Variants in ADAMTSL1 observed in about 807,000 individuals in gnomAD.
ADAMTSL1 encodes ADAMTS like 1.
ADAMTSL1 carries 126 observed loss-of-function variants against 201.8 expected under a neutral mutation model. The observed-to-expected ratio is 0.62, with a 90% confidence interval of 0.54 to 0.72. The LOEUF (loss-of-function observed/expected upper bound fraction) is 0.72. Among genes scored for constraint, ADAMTSL1 ranks in the 30% least tolerant of loss-of-function variants. The pLI is 0.00. For synonymous variants in ADAMTSL1, 1,121 were observed against 903.4 expected, an observed-to-expected ratio of 1.24 and a Z score of -4.32; for missense variants, 2,679 against 2,277.8, an observed-to-expected ratio of 1.18 and a Z score of -3.59.
chr9:18,545,115 G>A (rs1316960635), intron 3 of ADAMTSL1, among the ~76,000 whole-genome samples: 1 of 152,172 alleles, frequency 6.6e-6, no homozygotes, highest in African/African-American at 2.4e-5. Context: ...CTCATAGAAT[G>A]TTAGAATTAG....
chr9:18,138,257 T>A (rs1342069625), intron 1 of ADAMTSL1, among the ~76,000 whole-genome samples: 1 of 152,172 alleles, frequency 6.6e-6, no homozygotes, highest in East Asian at 1.9e-4. Flanking sequence ...ATTATTATAC[T>A]TTTAGAATTT....
intron 2 of ADAMTSL1, among the ~76,000 whole-genome samples, chr9:18,401,520 C>A (rs892607582): frequency 6.6e-6 from 1 of 152,208 alleles, no homozygotes. Flanking sequence ...GGGACAGTAT[C>A]TGAAGAGGCC....
Position 18,280,654 on chromosome 9 carries a change from T to G in ADAMTSL1, c.207+116673T>G, listed in dbSNP as rs1222211049. 2.0e-5 allele frequency among the ~76,000 whole-genome samples: 3 copies of G among 152,184 alleles called. No homozygotes were observed. In the East Asian group the frequency reaches 5.8e-4, roughly 29 times the overall value. ...TTATTTGTCACATGTGTTAAGGTTT[T>G]TAATTATTTGGCATTATAAATAAAT... On this transcript the variant is annotated intron_variant, in intron 2 of 29. Transcript: ENST00000680146.
At chr9:18,676,768 T>C (rs1830155936) in intron 10 of ADAMTSL1, among the ~76,000 whole-genome samples, 1 of 152,006 alleles carries the variant, frequency 6.6e-6, no homozygotes, top group Non-Finnish European at 1.5e-5. Flanking sequence ...ATGGTTGGAG[T>C]AATCCACAGC....
intron 3 of ADAMTSL1, among the ~76,000 whole-genome samples, chr9:18,541,135 A>G (rs113220955): frequency 5.2e-4 from 79 of 152,286 alleles, no homozygotes; most frequent in African/African-American, 1.8e-3. Context: ...TTGTACACTG[A>G]TACAACAAAA....
chr9:18,727,015 G>A (rs553670866), intron 15 of ADAMTSL1, among the ~76,000 whole-genome samples: 2 of 152,260 alleles, frequency 1.3e-5, no homozygotes, highest in South Asian at 2.1e-4. Context: ...ACGTCTGAAA[G>A]GTCACAGAGT....
At chr9:18,462,326 A>G (rs1458877978) in intron 2 of ADAMTSL1, among the ~76,000 whole-genome samples, 1 of 152,236 alleles carries the variant, frequency 6.6e-6, no homozygotes, top group East Asian at 1.9e-4. Flanking sequence ...ATACTTGATC[A>G]TTCAACAAAT....
At chr9:18,707,072 G>A (rs1587943776) in intron 14 of ADAMTSL1, 24 bp downstream of exon 14, 1 of 1,599,634 alleles carries the variant, frequency 6.3e-7, no homozygotes, top group Non-Finnish European at 8.5e-7. Context: ...CTCTGGCTCA[G>A]ATCCCCGCCA....
chr9:18,161,073 G>A (rs1258118938), intron 1 of ADAMTSL1, among the ~76,000 whole-genome samples: 1 of 151,834 alleles, frequency 6.6e-6, no homozygotes, highest in Non-Finnish European at 1.5e-5. Flanking sequence ...ATCTTGATAT[G>A]TATTATGAGA....
chr9:18,708,574 G>T (rs530394949), intron 14 of ADAMTSL1, among the ~76,000 whole-genome samples: 33 of 152,340 alleles, frequency 2.2e-4, no homozygotes, highest in Admixed American at 2.2e-3. Flanking sequence ...CTGGGCAGGA[G>T]CTGAGAGATC....
chr9:18,727,211 TGCAGGCTCTTCC>T (rs1457757376), intron 15 of ADAMTSL1, among the ~76,000 whole-genome samples: 1 of 152,256 alleles, frequency 6.6e-6, no homozygotes, highest in Non-Finnish European at 1.5e-5. Context: ...TTCAAAGCCT[TGCAGGCTCTTCC>T]TCTCTGACAA....
At chr9:18,106,346 T>C (rs1457306737) in intron 1 of ADAMTSL1, among the ~76,000 whole-genome samples, 1 of 152,194 alleles carries the variant, frequency 6.6e-6, no homozygotes, top group Non-Finnish European at 1.5e-5. Flanking sequence ...AAGAATGCAG[T>C]GAAAACATCT....
At position 18,279,070 on chromosome 9, in the gene ADAMTSL1, C is replaced by T. The variant is rs141236306; in HGVS notation, c.207+115089C>T. Reference sequence around the variant, plus strand: ...AATGTCTTCTTTTGTTTATGCATAGCCCTCCTAATTTCATTCACTTGTATA... The same window carrying T: ...AATGTCTTCTTTTGTTTATGCATAGTCCTCCTAATTTCATTCACTTGTATA... On this transcript the variant is annotated intron_variant, in intron 2 of 29. Transcript: ENST00000680146. 2.2e-4 allele frequency among the ~76,000 whole-genome samples: 34 copies of T among 152,160 alleles called. No homozygotes were observed. In the South Asian group the frequency reaches 5.6e-3, roughly 25 times the overall value.
chr9:18,119,076 G>A (rs937039073), intron 1 of ADAMTSL1, among the ~76,000 whole-genome samples: 1 of 152,080 alleles, frequency 6.6e-6, no homozygotes, highest in African/African-American at 2.4e-5. Flanking sequence ...TTCTTCATCT[G>A]TAATATGGGA....
At chr9:18,361,138 T>G (rs1218125854) in intron 2 of ADAMTSL1, among the ~76,000 whole-genome samples, 1 of 152,154 alleles carries the variant, frequency 6.6e-6, no homozygotes, top group Non-Finnish European at 1.5e-5. Context: ...GTCGACAGGT[T>G]TACATTTTAC....
rs956880151 is a variant in ADAMTSL1, at chr9:18,795,648, G to A, written c.3805+124G>A. On this transcript the variant is annotated intron_variant, in intron 20 of 28. Coordinates refer to ENST00000380548, the MANE Select transcript of ADAMTSL1 (RefSeq NM_001040272.6). ...CCCAGATCCCATCTTCAGGGAGTTT[G>A]TAATCTATAATTACAACAGCAGTGT... is the stretch of plus-strand genomic sequence containing the variant. The A allele has an allele frequency of 1.2e-5, 13 of 1,080,124 alleles. No homozygotes were observed. The South Asian group carries it at 1.5e-4, about 13-fold the overall frequency. 66.9% of individuals were successfully genotyped at this position (1,080,124 alleles called of 1,614,324 possible). A position where few individuals can be genotyped will look rare whatever the true frequency, so the allele number is the denominator to read the frequency against.
At chr9:18,859,286 C>G (rs562480036) in intron 23 of ADAMTSL1, among the ~76,000 whole-genome samples, 1 of 152,310 alleles carries the variant, frequency 6.6e-6, no homozygotes, top group South Asian at 2.1e-4. Flanking sequence ...ACCTGCATCC[C>G]TTGGCTGTGG....
At chr9:18,197,070 T>C (rs568784595) in intron 2 of ADAMTSL1, among the ~76,000 whole-genome samples, 2 of 152,188 alleles carry the variant, frequency 1.3e-5, no homozygotes, top group Non-Finnish European at 2.9e-5. Context: ...TTTTCCTCTT[T>C]TTCTTCTACC....
intron 20 of ADAMTSL1, among the ~76,000 whole-genome samples, chr9:18,800,589 C>T (rs374348978): frequency 6.4e-4 from 97 of 152,170 alleles, no homozygotes; most frequent in African/African-American, 2.2e-3. Context: ...ATAGAACTTA[C>T]TTAAAACTGA....
Sources: allele counts gnomAD v4.1 joint callset (sites outside exome capture counted in the v4.1 genomes callset), GRCh38; gene constraint gnomAD v4.1.1; transcripts MANE v1.5; gene names NCBI Gene and HGNC (gene_info 2026-07-23, HGNC 2026-07-21).